The following MYLK variants were observed in gnomAD, a reference collection of about 807,000 sequenced individuals.
MYLK encodes myosin light chain kinase, smooth muscle.
In MYLK, 106 loss-of-function variants were observed where a neutral mutation model predicts 203.4. That is an observed-to-expected ratio of 0.52 (90% confidence interval 0.45 to 0.61). The LOEUF is 0.61. MYLK is among the 20% of genes least tolerant of loss of function. The probability of loss-of-function intolerance (pLI) is 0.00; values close to 1 mark genes in which losing one functional copy is unlikely to be tolerated. For synonymous variants in MYLK, 867 were observed against 959.5 expected, an observed-to-expected ratio of 0.90 and a Z score of 1.78; for missense variants, 2,072 against 2,442.3, an observed-to-expected ratio of 0.85 and a Z score of 3.20.
intron 11 of MYLK, 63 bp downstream of exon 11, chr3:123,732,833 T>C (rs2062528778): frequency 6.6e-7 from 1 of 1,518,564 alleles, no homozygotes; most frequent in Non-Finnish European, 9.1e-7. Flanking sequence ...CTGCAGAAGG[T>C]GAAGCACCCC....
At chr3:123,775,299 C>A (rs1403348530) in intron 4 of MYLK, among the ~76,000 whole-genome samples, 1 of 152,240 alleles carries the variant, frequency 6.6e-6, no homozygotes, top group Non-Finnish European at 1.5e-5. Flanking sequence ...TCCTGAAGTG[C>A]TGGGATTATA....
intron 27 of MYLK, 32 bp downstream of exon 27, chr3:123,647,191 TG>T (rs781406442): frequency 1.2e-6 from 2 of 1,603,454 alleles, no homozygotes; most frequent in Admixed American, 3.3e-5. Context: ...GGGCTCCCTG[TG>T]GTGCCCACGC....
chr3:123,739,004 G>T lies in MYLK; in HGVS notation c.481C>A (p.Pro161Thr), dbSNP rs745692872. The T allele has an allele frequency of 6.2e-7, 1 of 1,613,796 alleles. No individual in the cohort carries two copies. Among genetic ancestry groups the T allele is most frequent in the Non-Finnish European group, 8.5e-7 (1 of 1,179,928 alleles). The change falls in exon 7 of 34, where the codon CCA becomes ACA. Residue 161 changes from proline to threonine, a missense_variant. By Grantham distance (38) the Pro-to-Thr change is conservative. Transcript: ENST00000360304. Reference sequence around the variant, plus strand: ...CGGCCCAGCTTGGTAGCAAACTTTGGTGGGCACTCCCCCCAGATGCTAGGA... The same window carrying T: ...CGGCCCAGCTTGGTAGCAAACTTTGTTGGGCACTCCCCCCAGATGCTAGGA... ...TRPSIWGECPPKFATKLGRVV... is the reference protein window; with the variant it reads ...TRPSIWGECPTKFATKLGRVV...
At chr3:123,848,302 C>G (rs367924978) in intron 2 of MYLK, among the ~76,000 whole-genome samples, 2 of 146,628 alleles carry the variant, frequency 1.4e-5, no homozygotes, top group African/African-American at 5.0e-5. Context: ...CTTTTTTAAT[C>G]CTCCAAATGA....
intron 19 of MYLK, among the ~76,000 whole-genome samples, chr3:123,685,024 G>A (rs534883220): frequency 1.3e-5 from 2 of 152,224 alleles, no homozygotes; most frequent in Non-Finnish European, 2.9e-5. Context: ...GTTTTCCTGG[G>A]CTCCTGAAAG....
chr3:123,736,277 A>G (rs1709488405), intron 8 of MYLK, among the ~76,000 whole-genome samples: 1 of 152,216 alleles, frequency 6.6e-6, no homozygotes. Flanking sequence ...ACTGTGAAAT[A>G]TATTTCTTTC....
intron 29 of MYLK, among the ~76,000 whole-genome samples, chr3:123,636,175 C>A (rs2058635717): frequency 6.6e-6 from 1 of 152,194 alleles, no homozygotes; most frequent in Non-Finnish European, 1.5e-5. Context: ...AGTAGAGAGA[C>A]CAATTGTCCT....
intron 4 of MYLK, among the ~76,000 whole-genome samples, chr3:123,778,387 C>T (rs2064156805): frequency 1.3e-5 from 2 of 151,952 alleles, no homozygotes; most frequent in African/African-American, 4.8e-5. Flanking sequence ...GTGGCAGGCG[C>T]CTGTAGTCCC....
chr3:123,867,728 C>A (rs1423299151), intron 2 of MYLK, among the ~76,000 whole-genome samples: 1 of 152,184 alleles, frequency 6.6e-6, no homozygotes, highest in Non-Finnish European at 1.5e-5. Flanking sequence ...TTGTTTTGAG[C>A]CACCTGGCTG....
rs374726473 is a variant in MYLK at position 123,830,236 on chromosome 3, C to T, written c.-4+1312G>A. Among the ~76,000 whole-genome samples the T allele has an allele frequency of 3.9e-5, 6 of 152,302 alleles. No individual in the cohort carries two copies. The South Asian group carries it at 1.2e-3, about 32-fold the overall frequency. On this transcript the variant is annotated intron_variant, in intron 3 of 33. Transcript: ENST00000360304. ...GCTTTCCTTTAAAGAACGCCTTGCT[C>T]ATATGTTCAGTGTTCGCTTTGGTCC...
intron 5 of MYLK, 113 bp from the exon 6 acceptor site, chr3:123,740,114 A>C (rs1412802489): frequency 2.0e-6 from 2 of 1,000,352 alleles, no homozygotes; most frequent in Non-Finnish European, 3.2e-6. Flanking sequence ...ATTAATCTTG[A>C]CTGAGCATGG....
intron 4 of MYLK, among the ~76,000 whole-genome samples, chr3:123,786,453 C>G (rs971387272): frequency 7.2e-6 from 1 of 138,836 alleles, no homozygotes; most frequent in African/African-American, 2.7e-5. Flanking sequence ...ACAAAAACAC[C>G]GAAAGACATT....
intron 27 of MYLK, among the ~76,000 whole-genome samples, chr3:123,645,988 C>T (rs1053122041): frequency 1.3e-5 from 2 of 152,104 alleles, no homozygotes; most frequent in Non-Finnish European, 2.9e-5. Flanking sequence ...TACAAAAATA[C>T]AAAAATTAGC....
At position 123,751,738 on chromosome 3, in the gene MYLK, C is replaced by T. The variant is rs552953017; in HGVS notation, c.373+593G>A. Among the ~76,000 whole-genome samples, 107 of 152,120 alleles carry T rather than the reference C, an allele frequency of 7.0e-4. 2 individuals carry two copies. In the South Asian group the frequency reaches 0.018, roughly 25 times the overall value. On this transcript the variant is annotated intron_variant, in intron 5 of 33. Transcript: ENST00000360304. ...GACACTGCAATGTGAGATGGTAATA[C>T]GTCCTAAAAGAAAAACCTCGAGTGG...
At chr3:123,708,128 T>A in intron 15 of MYLK, 125 bp from the exon 16 acceptor site, 1 of 1,366,078 alleles carries the variant, frequency 7.3e-7, no homozygotes, top group Non-Finnish European at 1.0e-6. Flanking sequence ...TGTCCAGAAA[T>A]CACTGTGATT....
intron 29 of MYLK, among the ~76,000 whole-genome samples, chr3:123,632,230 G>A (rs1419606410): frequency 1.3e-5 from 2 of 152,020 alleles, no homozygotes; most frequent in Non-Finnish European, 2.9e-5. Context: ...GGGCCTCCCA[G>A]CTCTCTCTGT....
intron 22 of MYLK, among the ~76,000 whole-genome samples, chr3:123,665,880 G>A (rs1204435743): frequency 6.6e-6 from 1 of 152,140 alleles, no homozygotes; most frequent in Non-Finnish European, 1.5e-5. Flanking sequence ...GGAGTCTAAG[G>A]GTCATCTTGG....
At chr3:123,708,312 C>T (rs1051395464) in intron 15 of MYLK, among the ~76,000 whole-genome samples, 1 of 152,222 alleles carries the variant, frequency 6.6e-6, no homozygotes, top group Admixed American at 6.5e-5. Context: ...AGAGTTGTCA[C>T]TCACTTTATG....
intron 24 of MYLK, among the ~76,000 whole-genome samples, chr3:123,652,784 C>A (rs988844292): frequency 6.6e-6 from 1 of 152,144 alleles, no homozygotes; most frequent in Non-Finnish European, 1.5e-5. Context: ...CAAGACCTGG[C>A]TGGGCTGGGA....
Sources: allele counts gnomAD v4.1 joint callset (sites outside exome capture counted in the v4.1 genomes callset), GRCh38; gene constraint gnomAD v4.1.1; transcripts MANE v1.5; gene names NCBI Gene and HGNC (gene_info 2026-07-23, HGNC 2026-07-21).